LINC00305: variants seen among roughly 807,000 people sequenced by gnomAD.
LINC00305 encodes the protein long independently transcribed non-coding RNA 305.
intron 3 of LINC00305, among the ~76,000 whole-genome samples, chr18:64,082,571 G>C (rs1195602976): frequency 6.6e-6 from 1 of 152,184 alleles, no homozygotes; most frequent in Non-Finnish European, 1.5e-5. Context: ...AGCTACAGTG[G>C]CAGAGACAGA....
chr18:64,101,557 T>G (rs2051268119), intron 1 of LINC00305, among the ~76,000 whole-genome samples: 1 of 152,230 alleles, frequency 6.6e-6, no homozygotes. Flanking sequence ...TATGTGTGTG[T>G]GTCCAAGTTT....
chr18:64,113,977 T>C (rs780078759), intron 1 of LINC00305, among the ~76,000 whole-genome samples: 29 of 152,106 alleles, frequency 1.9e-4, no homozygotes, highest in Non-Finnish European at 3.2e-4. Flanking sequence ...CACATAAAAA[T>C]GAAAGAAAAT....
intron 1 of LINC00305, among the ~76,000 whole-genome samples, chr18:64,143,787 C>CAGAG (rs2051482970): frequency 1.0e-5 from 1 of 99,094 alleles, no homozygotes; most frequent in African/African-American, 3.6e-5. Context: ...TGTATGTACA[C>CAGAG]ATATTATGCG....
chr18:64,142,250 T>C (rs1237873347), intron 1 of LINC00305, among the ~76,000 whole-genome samples: 1 of 152,192 alleles, frequency 6.6e-6, no homozygotes, highest in African/African-American at 2.4e-5. Context: ...TAAAATGTTA[T>C]GAAATTGAAT....
chr18:64,100,197 T>TA (rs2051262649), intron 1 of LINC00305, among the ~76,000 whole-genome samples: 2 of 152,142 alleles, frequency 1.3e-5, no homozygotes, highest in African/African-American at 4.8e-5. Flanking sequence ...TTTTGCCTTA[T>TA]AAAAAGCCTC....
chr18:64,118,367 C>T (rs557384582), intron 1 of LINC00305, among the ~76,000 whole-genome samples: 1 of 152,120 alleles, frequency 6.6e-6, no homozygotes, highest in Non-Finnish European at 1.5e-5. Context: ...GTAGTACCTA[C>T]TCTTTTGTTT....
intron 1 of LINC00305, among the ~76,000 whole-genome samples, chr18:64,099,591 A>G (rs2051260243): frequency 6.6e-6 from 1 of 152,194 alleles, no homozygotes; most frequent in South Asian, 2.1e-4. Flanking sequence ...ACCTGAATTC[A>G]TTTAGTTTAC....
chr18:64,126,356 A>T lies in LINC00305; in HGVS notation n.314+22419T>A, dbSNP rs371723206. Among the ~76,000 whole-genome samples the T allele has an allele frequency of 2.6e-5, 4 of 152,234 alleles. No individual in the cohort carries two copies. In the East Asian group the frequency reaches 7.7e-4, roughly 29 times the overall value. ...CTGCAATGAACATACTTTCTTAAAA[A>T]AATTACAGTAATTATATTTTTTTCA... On this transcript the variant is annotated intron_variant and non_coding_transcript_variant, in intron 1 of 3. Transcript: ENST00000666468.
At chr18:64,121,261 G>A (rs2051360676) in intron 1 of LINC00305, among the ~76,000 whole-genome samples, 1 of 151,956 alleles carries the variant, frequency 6.6e-6, no homozygotes, top group African/African-American at 2.4e-5. Context: ...TAGCTTGGGT[G>A]GTGGTGAAGT....
intron 3 of LINC00305, among the ~76,000 whole-genome samples, chr18:64,088,848 AGCT>A (rs2051214120): frequency 6.6e-6 from 1 of 152,204 alleles, no homozygotes; most frequent in East Asian, 1.9e-4. Flanking sequence ...AGGGAGGATT[AGCT>A]GCAGAAGTCT....
chr18:64,136,490 C>G (rs1270863949), intron 1 of LINC00305, among the ~76,000 whole-genome samples: 1 of 152,100 alleles, frequency 6.6e-6, no homozygotes, highest in Non-Finnish European at 1.5e-5. Context: ...ACCATCAGAT[C>G]TCATGAGAAC....
At chr18:64,117,826 C>A (rs2051344445) in intron 1 of LINC00305, among the ~76,000 whole-genome samples, 1 of 152,142 alleles carries the variant, frequency 6.6e-6, no homozygotes, top group African/African-American at 2.4e-5. Flanking sequence ...GTGATATTTA[C>A]CGTCAATCTG....
chr18:64,085,283 T>C (rs1167141121), intron 3 of LINC00305, among the ~76,000 whole-genome samples: 2 of 152,204 alleles, frequency 1.3e-5, no homozygotes, highest in African/African-American at 2.4e-5. Flanking sequence ...GCTTGAATCC[T>C]ACTCATTCTT....
chr18:64,103,715 T>G (rs1223901761), intron 1 of LINC00305, among the ~76,000 whole-genome samples: 2 of 152,216 alleles, frequency 1.3e-5, no homozygotes, highest in East Asian at 3.9e-4. Context: ...ATTGTATGTT[T>G]TAAGACAAAT....
intron 3 of LINC00305, among the ~76,000 whole-genome samples, chr18:64,092,331 G>T (rs758145714): frequency 9.9e-5 from 15 of 152,226 alleles, no homozygotes; most frequent in Non-Finnish European, 1.6e-4. Context: ...GGGAGGCTGA[G>T]GTGCACAGAT....
At chr18:64,095,479 G>A (rs777263832) in intron 3 of LINC00305, among the ~76,000 whole-genome samples, 18 of 152,076 alleles carry the variant, frequency 1.2e-4, no homozygotes, top group Non-Finnish European at 2.6e-4. Context: ...GATAGAAGAA[G>A]TGAAAGATGA....
intron 1 of LINC00305, among the ~76,000 whole-genome samples, chr18:64,136,774 G>A (rs903263409): frequency 1.1e-4 from 16 of 152,170 alleles, no homozygotes; most frequent in South Asian, 2.1e-4. Context: ...TGTGTGTGGC[G>A]CAAGTCCTTA....
intron 1 of LINC00305, among the ~76,000 whole-genome samples, chr18:64,145,651 G>T (rs1349451827): frequency 6.6e-6 from 1 of 152,088 alleles, no homozygotes; most frequent in African/African-American, 2.4e-5. Flanking sequence ...CCTGACCTCA[G>T]GTAATCCACC....
At chr18:64,103,864 T>C (rs908487457) in intron 1 of LINC00305, among the ~76,000 whole-genome samples, 54 of 152,198 alleles carry the variant, frequency 3.5e-4, no homozygotes, top group African/African-American at 1.1e-3. Flanking sequence ...CCTCAAAAAA[T>C]GTAGAATGAT....
Sources: allele counts gnomAD v4.1 joint callset (sites outside exome capture counted in the v4.1 genomes callset), GRCh38; gene constraint gnomAD v4.1.1; transcripts MANE v1.5; gene names NCBI Gene and HGNC (gene_info 2026-07-23, HGNC 2026-07-21).